Variants in MYH9 observed in about 807,000 individuals in gnomAD.
MYH9 encodes the protein myosin heavy chain 9, also known as myosin-9.
A neutral mutation model predicts 241.9 loss-of-function variants in MYH9; 29 were observed. That is an observed-to-expected ratio of 0.12 (90% CI 0.09 to 0.16). MYH9 has a LOEUF of 0.16. MYH9 is among the 10% of genes least tolerant of loss of function. The pLI is 1.00. For synonymous variants in MYH9, 1,047 were observed against 1,062.6 expected, an observed-to-expected ratio of 0.99 and a Z score of 0.29; for missense variants, 1,803 against 2,595.5, an observed-to-expected ratio of 0.69 and a Z score of 6.63.
intron 3 of MYH9, among the ~76,000 whole-genome samples, chr22:36,332,526 C>G (rs1042392318): frequency 6.6e-6 from 1 of 152,100 alleles, no homozygotes; most frequent in Non-Finnish European, 1.5e-5. Flanking sequence ...GCCAGTTCGA[C>G]TCGGCCCAGT....
Position 36,306,491 on chromosome 22 carries a change from G to A in MYH9, c.1960C>T (p.Leu654=), listed in dbSNP as rs527418116. The stretch of plus-strand genomic sequence containing the variant: ...CTCAGCGTAGCCATCAGCTTGGCCA[G>A]CTGCTCCTTGTAAAGCTGCCCCACA... ...RTVGQLYKEQ[L]AKLMATLRNT... The change falls in exon 16 of 41, where the codon CTG becomes TTG. Residue 654 remains leucine, a synonymous_variant. Coordinates refer to ENST00000216181, the MANE Select transcript of MYH9 (RefSeq NM_002473.6). This position sits in a 1 kb window ranked among gnomAD's most constrained non-coding sequence, Gnocchi z 4.1. The A allele has an allele frequency of 6.2e-7, 1 of 1,614,138 alleles. No individual in the cohort carries two copies. The highest frequency in any genetic ancestry group is 2.2e-5 in the East Asian group (1 of 44,884).
intron 1 of MYH9, among the ~76,000 whole-genome samples, chr22:36,361,942 C>T (rs1346561077): frequency 3.3e-5 from 5 of 152,080 alleles, no homozygotes; most frequent in East Asian, 1.9e-4. Context: ...TGATGGTGTG[C>T]GCCTGTAATC....
Position 36,320,841 on chromosome 22 carries a change from G to C in MYH9, c.825C>G (p.His275Gln). 6.2e-7 allele frequency: 1 copy of C among 1,614,162 alleles called. No homozygotes were observed. Among genetic ancestry groups the C allele is most frequent in the Non-Finnish European group, 8.5e-7 (1 of 1,179,996 alleles). The change falls in exon 8 of 41, where the codon CAC (histidine) becomes CAG (glutamine). Residue 275 changes from histidine (H) to glutamine (Q), a missense_variant. Physicochemically the swap from His to Gln is conservative, Grantham distance 24. Coordinates refer to ENST00000216181, the MANE Select transcript of MYH9 (RefSeq NM_002473.6). This position sits in a 1 kb window ranked among gnomAD's most constrained non-coding sequence, Gnocchi z 4.8. ...CCCCAGACAGGAGATAATAGAAGAT[G>C]TGGAAGGTCCGTTCTTCCTTGGCTT... is the stretch of plus-strand genomic sequence containing the variant. The part of the protein sequence containing the change: ...IRQAKEERTF[H>Q]IFYYLLSGAG...
In MYH9 at chr22:36,378,955, G is replaced by A. The variant is rs548795685; in HGVS notation, c.-20+8852C>T. 4.0e-5 allele frequency among the ~76,000 whole-genome samples: 6 copies of A among 151,658 alleles called. No individual in the cohort carries two copies. In the East Asian group the frequency reaches 5.8e-4, roughly 15 times the overall value. On this transcript the variant is annotated intron_variant, in intron 1 of 40. Coordinates refer to ENST00000216181, the MANE Select transcript of MYH9 (RefSeq NM_002473.6). ...CTCACAGAATGAGCTTAAGCAAATC[G>A]CTTTTTCTCTAATTAGGAAAAAAAA...
intron 5 of MYH9, 109 bp downstream of exon 5, chr22:36,326,459 C>T: frequency 9.3e-7 from 1 of 1,071,252 alleles, no homozygotes; most frequent in South Asian, 1.2e-5. Flanking sequence ...TGCTTCATTC[C>T]CCAAAGCATC....
At position 36,320,998 on chromosome 22, in the gene MYH9, G is replaced by C; in HGVS notation, c.770-102C>G. Reference sequence around the variant, plus strand: ...GACAGAGTCTCGCTCTGTCACCCAGGTTGGAGTGCAGTGGCATGATCTCGG... The same window carrying C: ...GACAGAGTCTCGCTCTGTCACCCAGCTTGGAGTGCAGTGGCATGATCTCGG... On this transcript the variant is annotated intron_variant, in intron 7 of 40. Transcript: ENST00000216181. This position sits in a 1 kb window ranked among gnomAD's most constrained non-coding sequence, Gnocchi z 4.8. 2 of 923,376 alleles carry C rather than the reference G, an allele frequency of 2.2e-6. No individual in the cohort carries two copies. The highest frequency in any genetic ancestry group is 3.4e-6 in the Non-Finnish European group (2 of 595,904). The allele number at this position is 923,376 out of a possible 1,614,324, so 57.2% of individuals were successfully genotyped here.
At position 36,316,563 on chromosome 22, in the gene MYH9, G is replaced by A. The variant is rs1603483362; in HGVS notation, c.1334C>T (p.Ala445Val). 2.5e-6 allele frequency: 4 copies of A among 1,570,394 alleles called. No homozygotes were observed. The highest frequency in any genetic ancestry group is 1.4e-5 in the African/African-American group (1 of 74,006). Reference sequence around the variant, plus strand: ...AATGTCCAGGATCCCGATGAAGGAGGCGCCCTGCCTCTTGGTCTTGTCCAG... The same window carrying A: ...AATGTCCAGGATCCCGATGAAGGAGACGCCCTGCCTCTTGGTCTTGTCCAG... The part of the protein sequence containing the change: ...KALDKTKRQG[A>V]SFIGILDIAG... The change falls in exon 12 of 41, where the codon GCC becomes GTC. Residue 445 changes from alanine (A) to valine (V), a missense_variant. Physicochemically the swap from Ala to Val is moderately conservative, Grantham distance 64. Around this residue, in one of 11 missense-constraint regions of MYH9, gnomAD observed 222 missense variants for 359.9 expected, o/e 0.62. Coordinates refer to ENST00000216181, the MANE Select transcript of MYH9 (RefSeq NM_002473.6).
At position 36,305,685 on chromosome 22, in the gene MYH9, A is replaced by G. The variant is rs556228910; in HGVS notation, c.2159+245T>C. 1.3e-5 allele frequency among the ~76,000 whole-genome samples: 2 copies of G among 152,218 alleles called. No homozygotes were observed. Among genetic ancestry groups the G allele is most frequent in the Non-Finnish European group, 2.9e-5 (2 of 68,036 alleles). On this transcript the variant is annotated intron_variant, in intron 17 of 40. Coordinates refer to ENST00000216181, the MANE Select transcript of MYH9 (RefSeq NM_002473.6). The surrounding 1 kb of genome is among the most constrained non-coding windows in gnomAD (Gnocchi z 4.7). ...GCAAATAGCACCAGGGCCGGCAGTT[A>G]CTAGGAGCAAAAGTCAACAGGATGA...
In MYH9 at chr22:36,316,674, G is replaced by A. The variant is rs780597005; in HGVS notation, c.1228-5C>T. 6.2e-6 allele frequency: 10 copies of A among 1,613,574 alleles called. No individual in the cohort carries two copies. The highest frequency in any genetic ancestry group is 4.5e-5 in the East Asian group (2 of 44,900). On this transcript the variant is annotated splice_region_variant and splice_polypyrimidine_tract_variant and intron_variant, in intron 11 of 40. Coordinates refer to ENST00000216181, the MANE Select transcript of MYH9 (RefSeq NM_002473.6). ...GGCCTCGATGGCAAAGTCAGCCTGC[G>A]GGGCACACCCGGGGAGCGTGGTGTC...
intron 1 of MYH9, among the ~76,000 whole-genome samples, chr22:36,380,946 C>A (rs1001614403): frequency 2.0e-5 from 3 of 152,078 alleles, no homozygotes; most frequent in African/African-American, 7.2e-5. Context: ...AAAGAAAAAT[C>A]AATCATCTAC....
intron 1 of MYH9, among the ~76,000 whole-genome samples, chr22:36,385,361 C>T (rs2018335730): frequency 6.6e-6 from 1 of 152,108 alleles, no homozygotes; most frequent in African/African-American, 2.4e-5. Flanking sequence ...GGAAGAACAG[C>T]CAGCCTGGTT....
chr22:36,375,423 G>A (rs780466447), intron 1 of MYH9, among the ~76,000 whole-genome samples: 12 of 152,312 alleles, frequency 7.9e-5, no homozygotes, highest in East Asian at 7.7e-4. Flanking sequence ...TGGCAACCCC[G>A]CTGTGGGTTG....
chr22:36,320,141 G>A lies in MYH9; in HGVS notation c.1012+79C>T, dbSNP rs150363231. 4.5e-5 allele frequency: 70 copies of A among 1,554,202 alleles called. No individual in the cohort carries two copies. The highest frequency in any genetic ancestry group is 1.7e-4 in the Middle Eastern group (1 of 5,928). On this transcript the variant is annotated intron_variant, in intron 9 of 40. Coordinates refer to ENST00000216181, the MANE Select transcript of MYH9 (RefSeq NM_002473.6). This position sits in a 1 kb window ranked among gnomAD's most constrained non-coding sequence, Gnocchi z 4.8. ...CTCTAGCAGGCTCCCCAGGCCCATC[G>A]GCTACCCTGATGCCCCGAGGCCGTG...
intron 1 of MYH9, among the ~76,000 whole-genome samples, chr22:36,368,246 C>T (rs577849253): frequency 6.6e-6 from 1 of 152,318 alleles, no homozygotes; most frequent in South Asian, 2.1e-4. Context: ...GTGCTTTTCA[C>T]CAGGAATCTC....
rs9610484 is a variant in MYH9, at chr22:36,293,318, G to A, written c.4095+11C>T. 1 of 1,613,772 alleles carries A rather than the reference G, an allele frequency of 6.2e-7. No individual in the cohort carries two copies. The highest frequency in any genetic ancestry group is 8.5e-7 in the Non-Finnish European group (1 of 1,179,990). On this transcript the variant is annotated intron_variant, in intron 30 of 40. Coordinates refer to ENST00000216181, the MANE Select transcript of MYH9 (RefSeq NM_002473.6). The surrounding 1 kb of genome is among the most constrained non-coding windows in gnomAD (Gnocchi z 5.1). ...CCTGCAGAGTCCGGCCGGTCCCCCA[G>A]GCCTCCAAACCTGGGCATGGAGGGT...
At chr22:36,292,606 A>C (rs1325227439) in intron 30 of MYH9, among the ~76,000 whole-genome samples, 1 of 152,134 alleles carries the variant, frequency 6.6e-6, no homozygotes, top group Non-Finnish European at 1.5e-5. Flanking sequence ...GCACTTGGAG[A>C]TAAACCCACA....
At chr22:36,376,507 G>C (rs111727794) in intron 1 of MYH9, among the ~76,000 whole-genome samples, 2 of 152,252 alleles carry the variant, frequency 1.3e-5, no homozygotes, top group South Asian at 4.1e-4. Context: ...GCCCTCCATC[G>C]CTGCTGAGCC....
chr22:36,344,202 C>T (rs979527546), intron 2 of MYH9, among the ~76,000 whole-genome samples: 52 of 152,368 alleles, frequency 3.4e-4, no homozygotes, highest in African/African-American at 1.2e-3. Context: ...GGCAAGACAT[C>T]GAGCAAGCGG....
At chr22:36,282,864 A>C in intron 40 of MYH9, 79 bp from the exon 41 acceptor site, 3 of 1,283,430 alleles carry the variant, frequency 2.3e-6, no homozygotes, top group East Asian at 2.5e-5. Flanking sequence ...ACACATCTCA[A>C]AGTGAATTCG....
Sources: gnomAD v4.1 joint callset for allele counts (sites outside exome capture counted in the v4.1 genomes callset) on GRCh38, gnomAD v4.1.1 for gene constraint, gnomAD v4.1.1 regional missense constraint, Gnocchi (gnomAD v3.1) non-coding constraint, MANE v1.5 for transcripts, NCBI Gene and HGNC (gene_info 2026-07-23, HGNC 2026-07-21) for gene names.